Variants in CFTR observed in about 807,000 individuals in gnomAD.
CFTR encodes the protein cystic fibrosis transmembrane conductance regulator.
CFTR carries 181 observed loss-of-function variants against 171.6 expected under a neutral mutation model. The observed-to-expected ratio is 1.05, with a 90% CI of 0.93 to 1.19. CFTR has a LOEUF of 1.19. Among genes scored for constraint, CFTR ranks in the 50% most tolerant of loss-of-function variants. The probability of loss-of-function intolerance (pLI) is 0.00; values close to 1 mark genes in which losing one functional copy is unlikely to be tolerated. For missense variants in CFTR, 1,968 were observed against 1,734.7 expected (o/e 1.13, Z -2.39); for synonymous variants, 583 against 608.0 (o/e 0.96, Z 0.60).
intron 1 of CFTR, among the ~76,000 whole-genome samples, chr7:117,486,930 T>C (rs1298649296): frequency 1.4e-5 from 2 of 147,190 alleles, no homozygotes; most frequent in African/African-American, 5.0e-5. Context: ...TTGAAAGACA[T>C]TTAGGAGGTA....
At chr7:117,639,867 A>C (rs1407476071) in intron 22 of CFTR, among the ~76,000 whole-genome samples, 1 of 152,180 alleles carries the variant, frequency 6.6e-6, no homozygotes, top group Non-Finnish European at 1.5e-5. Flanking sequence ...TTGTGGATCT[A>C]AATTTCAGTT....
chr7:117,604,353 T>C (rs1024845739), intron 17 of CFTR, among the ~76,000 whole-genome samples: 21 of 152,196 alleles, frequency 1.4e-4, no homozygotes, highest in African/African-American at 4.8e-4. Flanking sequence ...TAAGGTACTT[T>C]GAAAGAAATC....
At chr7:117,654,905 A>T (rs1042641894) in intron 24 of CFTR, among the ~76,000 whole-genome samples, 1 of 152,128 alleles carries the variant, frequency 6.6e-6, no homozygotes, top group African/African-American at 2.4e-5. Flanking sequence ...AGGCCTCTGC[A>T]CTCTGAACTA....
At chr7:117,535,709 A>G (rs971930427) in intron 6 of CFTR, among the ~76,000 whole-genome samples, 2 of 151,364 alleles carry the variant, frequency 1.3e-5, no homozygotes, top group Admixed American at 6.6e-5. Context: ...TAATTTTTGT[A>G]TTTTAGTAGA....
intron 21 of CFTR, among the ~76,000 whole-genome samples, chr7:117,625,492 G>A (rs1792637555): frequency 6.6e-6 from 1 of 152,146 alleles, no homozygotes; most frequent in Non-Finnish European, 1.5e-5. Context: ...ACTACTATGT[G>A]TAATTTTGAG....
chr7:117,640,944 A>C (rs746225096), intron 22 of CFTR, among the ~76,000 whole-genome samples: 57 of 152,264 alleles, frequency 3.7e-4, no homozygotes, highest in Non-Finnish European at 6.9e-4. Context: ...TTCAATGCAA[A>C]ACAAGATAGA....
At chr7:117,590,312 A>T (rs1240186731) in intron 12 of CFTR, 41 bp from the exon 13 acceptor site, 1 of 1,589,344 alleles carries the variant, frequency 6.3e-7, no homozygotes, top group South Asian at 1.1e-5. Context: ...ATGACCAGGA[A>T]ATAGAGAGGA....
chr7:117,588,624 G>T (rs1791982480), intron 12 of CFTR, among the ~76,000 whole-genome samples: 1 of 152,080 alleles, frequency 6.6e-6, no homozygotes, highest in African/African-American at 2.4e-5. Context: ...GCTGAGACAG[G>T]AAACTAACCC....
rs756784172 is a variant in CFTR at position 117,592,243 on chromosome 7, GTT to G, written c.2078_2079del (p.Phe693TrpfsTer36). ...AACAATCTTTTAAACAGACTGGAGA[GTT>G]TGGGGAAAAAAGGAAGAATTCTATT... is the stretch of plus-strand genomic sequence containing the variant. ...KKQSFKQTGE[F>X]GEKRKNSILN... is the part of the protein sequence containing the mutation. On this transcript the variant is annotated frameshift_variant, in exon 14 of 27. Coordinates refer to ENST00000003084, the MANE Select transcript of CFTR (RefSeq NM_000492.4). LOFTEE classifies it high-confidence loss of function. 1 of 1,613,842 alleles carries G rather than the reference GTT, an allele frequency of 6.2e-7. No homozygotes were observed. Among genetic ancestry groups the G allele is most frequent in the South Asian group, 1.1e-5 (1 of 91,082 alleles).
chr7:117,524,640 C>A lies in CFTR; in HGVS notation c.274-6259C>A, dbSNP rs989226733. Among the ~76,000 whole-genome samples the A allele has an allele frequency of 4.6e-5, 7 of 152,042 alleles. No homozygotes were observed. In the South Asian group the frequency reaches 1.5e-3, roughly 32 times the overall value. ...AAAAAAGTTATTTTGAAAAAAAAAT[C>A]CTCGAATCTAGAGAAAGGTTGGCAA... On this transcript the variant is annotated intron_variant, in intron 3 of 26. Transcript: ENST00000003084.
intron 22 of CFTR, among the ~76,000 whole-genome samples, chr7:117,629,045 C>T (rs530463970): frequency 6.6e-6 from 1 of 152,050 alleles, no homozygotes; most frequent in South Asian, 2.1e-4. Flanking sequence ...CAAGCAAGCC[C>T]TAGTAAAGTA....
chr7:117,644,456 A>G (rs1315465876), intron 23 of CFTR, among the ~76,000 whole-genome samples: 1 of 152,108 alleles, frequency 6.6e-6, no homozygotes, highest in Non-Finnish European at 1.5e-5. Context: ...AAATCCAAAG[A>G]AAATTATGTT....
chr7:117,554,259 T>C (rs1373318776), intron 10 of CFTR, among the ~76,000 whole-genome samples: 3 of 151,970 alleles, frequency 2.0e-5, no homozygotes, highest in Non-Finnish European at 4.4e-5. Flanking sequence ...GTAGTGGAAG[T>C]AGTATAGTAG....
intron 12 of CFTR, among the ~76,000 whole-genome samples, chr7:117,589,426 A>G (rs993360144): frequency 4.6e-5 from 7 of 152,014 alleles, no homozygotes; most frequent in Admixed American, 4.6e-4. Flanking sequence ...AGAAGTACCA[A>G]CAATTACATG....
intron 19 of CFTR, among the ~76,000 whole-genome samples, chr7:117,611,165 C>T (rs994698309): frequency 6.6e-6 from 1 of 152,100 alleles, no homozygotes; most frequent in Non-Finnish European, 1.5e-5. Context: ...GGTGCATTTT[C>T]AGGCAATACT....
intron 22 of CFTR, among the ~76,000 whole-genome samples, chr7:117,640,637 G>A (rs1792897389): frequency 6.6e-6 from 1 of 152,024 alleles, no homozygotes; most frequent in South Asian, 2.1e-4. Flanking sequence ...GCATATTCAA[G>A]TTGCTTATAC....
At chr7:117,498,022 G>T (rs1227657506) in intron 1 of CFTR, among the ~76,000 whole-genome samples, 1 of 151,876 alleles carries the variant, frequency 6.6e-6, no homozygotes, top group African/African-American at 2.4e-5. Flanking sequence ...GCATGAAATG[G>T]GTAGATCAAT....
At chr7:117,641,278 T>A (rs1394892515) in intron 22 of CFTR, among the ~76,000 whole-genome samples, 1 of 152,236 alleles carries the variant, frequency 6.6e-6, no homozygotes, top group African/African-American at 2.4e-5. Context: ...AAAACATTTA[T>A]TGTGGTCCCT....
At position 117,540,266 on chromosome 7, in the gene CFTR, C is replaced by T. The variant is rs575762281; in HGVS notation, c.1036C>T (p.Leu346=). Residue 346 remains leucine, a synonymous_variant, in exon 8 of 27, where the codon CTG becomes TTG. Transcript: ENST00000003084. ...CACCACCATCTCATTCTGCATTGTT[C>T]TGCGCATGGCGGTCACTCGGCAATT... ...IFTTISFCIV[L]RMAVTRQFPW... is the part of the protein sequence containing the mutation. The T allele has an allele frequency of 7.4e-6, 12 of 1,613,904 alleles. No individual in the cohort carries two copies. The South Asian group carries it at 1.1e-4, about 15-fold the overall frequency.
Sources: gnomAD v4.1 joint callset for allele counts (sites outside exome capture counted in the v4.1 genomes callset) on GRCh38, gnomAD v4.1.1 for gene constraint, MANE v1.5 for transcripts, NCBI Gene and HGNC (gene_info 2026-07-23, HGNC 2026-07-21) for gene names.